The following NRXN1 variants were observed in gnomAD, a reference collection of about 807,000 sequenced individuals.
The protein encoded by NRXN1 is neurexin 1, also known as neurexin-1.
NRXN1 carries 39 observed loss-of-function variants against 150.9 expected under a neutral mutation model. That is an observed-to-expected ratio of 0.26 (90% confidence interval 0.20 to 0.34). The LOEUF is 0.34. Among genes scored for constraint, NRXN1 ranks in the 10% least tolerant of loss-of-function variants. The probability of loss-of-function intolerance (pLI) is 1.00; values close to 1 mark genes in which losing one functional copy is unlikely to be tolerated. For synonymous variants in NRXN1, 924 were observed against 757.0 expected, an observed-to-expected ratio of 1.22 and a Z score of -3.62; for missense variants, 1,815 against 1,949.9, an observed-to-expected ratio of 0.93 and a Z score of 1.30.
At chr2:50,244,618 G>C (rs2066336778) in intron 17 of NRXN1, among the ~76,000 whole-genome samples, 1 of 151,876 alleles carries the variant, frequency 6.6e-6, no homozygotes, top group South Asian at 2.1e-4. Context: ...CAGCAGATAG[G>C]ATCTGTTCAT....
intron 17 of NRXN1, among the ~76,000 whole-genome samples, chr2:50,343,619 T>G (rs768205480): frequency 1.4e-4 from 22 of 152,222 alleles, no homozygotes; most frequent in Non-Finnish European, 2.9e-4. Context: ...TGGGTCAGCT[T>G]GCACAAAGAT....
At chr2:50,897,515 G>C (rs1040324520) in intron 5 of NRXN1, among the ~76,000 whole-genome samples, 7 of 152,120 alleles carry the variant, frequency 4.6e-5, no homozygotes, top group African/African-American at 1.7e-4. Context: ...ATATTAATAA[G>C]AACATGATTT....
At chr2:50,598,075 G>A (rs578166948) in intron 8 of NRXN1, among the ~76,000 whole-genome samples, 1 of 151,870 alleles carries the variant, frequency 6.6e-6, no homozygotes, top group Non-Finnish European at 1.5e-5. Context: ...GGAGGAGGAG[G>A]TTGCAGTGAG....
At chr2:50,645,697 C>G (rs1684721133) in intron 5 of NRXN1, among the ~76,000 whole-genome samples, 2 of 151,756 alleles carry the variant, frequency 1.3e-5, no homozygotes, top group Admixed American at 1.3e-4. Context: ...AAGATCAGAC[C>G]AAATAAGCCT....
At chr2:50,355,345 T>C (rs925324467) in intron 17 of NRXN1, among the ~76,000 whole-genome samples, 26 of 151,190 alleles carry the variant, frequency 1.7e-4, no homozygotes, top group Non-Finnish European at 5.9e-5. Flanking sequence ...CTGATGTCAA[T>C]ACTATAGATA....
chr2:50,212,627 G>A (rs2063116135), intron 18 of NRXN1, among the ~76,000 whole-genome samples: 1 of 151,744 alleles, frequency 6.6e-6, no homozygotes. Flanking sequence ...AGGTGGTTTG[G>A]GACATTACAG....
chr2:50,797,596 T>C (rs1453319963), intron 5 of NRXN1, among the ~76,000 whole-genome samples: 1 of 152,168 alleles, frequency 6.6e-6, no homozygotes, highest in East Asian at 1.9e-4. Flanking sequence ...CTACATATTA[T>C]CTATGCAAAC....
intron 2 of NRXN1, among the ~76,000 whole-genome samples, chr2:50,974,941 C>T (rs1695586568): frequency 6.6e-6 from 1 of 152,014 alleles, no homozygotes; most frequent in African/African-American, 2.4e-5. Flanking sequence ...CATTCCACTC[C>T]ATAAATGCCA....
chr2:50,936,435 C>G (rs1372081154), intron 2 of NRXN1, among the ~76,000 whole-genome samples: 1 of 152,010 alleles, frequency 6.6e-6, no homozygotes, highest in Non-Finnish European at 1.5e-5. Context: ...GACAGAAAAC[C>G]TTAATACATT....
At chr2:49,935,096 T>C (rs568125665) in intron 22 of NRXN1, among the ~76,000 whole-genome samples, 6 of 152,348 alleles carry the variant, frequency 3.9e-5, no homozygotes, top group South Asian at 2.1e-4. Flanking sequence ...TAAAAGCTAA[T>C]TTATGTTATC....
chr2:50,796,077 A>C (rs139154835), intron 5 of NRXN1, among the ~76,000 whole-genome samples: 1 of 152,060 alleles, frequency 6.6e-6, no homozygotes, highest in Admixed American at 6.6e-5. Context: ...GTAGCTGCTG[A>C]TATTATCCTA....
chr2:50,124,094 A>C (rs1038846907), intron 18 of NRXN1, among the ~76,000 whole-genome samples: 1 of 152,098 alleles, frequency 6.6e-6, no homozygotes, highest in Non-Finnish European at 1.5e-5. Context: ...AAGGAGACCA[A>C]GGAGAAAGAA....
chr2:50,504,258 A>C (rs1394966088), intron 13 of NRXN1, among the ~76,000 whole-genome samples: 1 of 152,144 alleles, frequency 6.6e-6, no homozygotes, highest in Non-Finnish European at 1.5e-5. Flanking sequence ...TATGGATTAC[A>C]GATTAGAAAA....
chr2:50,506,889 G>T (rs898703607), intron 12 of NRXN1: 2 of 372,636 alleles, frequency 5.4e-6, no homozygotes, highest in Non-Finnish European at 4.9e-6. Context: ...TTAATCCTAC[G>T]CATTGATCCA....
At chr2:50,946,836 T>C (rs1301721763) in intron 2 of NRXN1, among the ~76,000 whole-genome samples, 2 of 152,214 alleles carry the variant, frequency 1.3e-5, no homozygotes, top group Non-Finnish European at 2.9e-5. Context: ...TAAATAACTT[T>C]GTGCTGAAGG....
At chr2:50,934,924 T>C (rs1688293754) in intron 2 of NRXN1, among the ~76,000 whole-genome samples, 1 of 152,198 alleles carries the variant, frequency 6.6e-6, no homozygotes, top group Non-Finnish European at 1.5e-5. Context: ...ATCATAAGTC[T>C]TTTCCTTTAG....
In NRXN1 at chr2:50,922,664, C is replaced by A. The variant is rs777604099; in HGVS notation, c.814G>T (p.Asp272Tyr). Residue 272 changes from aspartate to tyrosine, a missense_variant, in exon 4 of 23, where the codon GAC becomes TAC. Transcript: ENST00000401669. Reference sequence around the variant, plus strand: ...AAAGGAACAGAGCCCATACCTTGGTCGCCCATCATCAGGTGCGCCAGACCT... The same window carrying A: ...AAAGGAACAGAGCCCATACCTTGGTAGCCCATCATCAGGTGCGCCAGACCT... ...VEGLAHLMMG[D>Y]QGKSKGKEEY... The A allele has an allele frequency of 6.2e-7, 1 of 1,610,126 alleles. No individual in the cohort carries two copies.
intron 5 of NRXN1, among the ~76,000 whole-genome samples, chr2:50,858,090 A>C (rs1342378482): frequency 8.5e-6 from 1 of 117,122 alleles, no homozygotes; most frequent in Non-Finnish European, 2.1e-5. Flanking sequence ...TTACCCAAAT[A>C]GATTTTTTTT....
chr2:50,400,921 A>T (rs1003743378), intron 17 of NRXN1, among the ~76,000 whole-genome samples: 2 of 152,178 alleles, frequency 1.3e-5, no homozygotes, highest in Non-Finnish European at 2.9e-5. Context: ...TCCGCAAGAT[A>T]TATCTATTCA....
Sources: gnomAD v4.1 joint callset for allele counts (sites outside exome capture counted in the v4.1 genomes callset) on GRCh38, gnomAD v4.1.1 for gene constraint, MANE v1.5 for transcripts, NCBI Gene and HGNC (gene_info 2026-07-23, HGNC 2026-07-21) for gene names.